The following FANCB variants were observed in gnomAD, a reference collection of about 807,000 sequenced individuals.
FANCB encodes the protein Fanconi anemia group B protein.
FANCB carries 5 observed loss-of-function variants against 38.9 expected under a neutral mutation model. The ratio of observed to expected loss-of-function variants is 0.13; its 90% CI spans 0.07 to 0.27. FANCB has a LOEUF of 0.27. FANCB is among the 10% of genes least tolerant of loss of function. The pLI, the probability that FANCB is intolerant of heterozygous loss-of-function variation, is 1.00. For synonymous variants in FANCB, 236 were observed against 215.4 expected (o/e 1.10, Z -0.84); for missense variants, 573 against 602.7 (o/e 0.95, Z 0.52).
the FANCB span, among the ~76,000 whole-genome samples, chrX:14,783,118 G>A: frequency 1.8e-5 from 2 of 111,560 alleles, no homozygotes; most frequent in South Asian, 7.5e-4. Flanking sequence ...TTCACCTCAA[G>A]GCACAGATTA....
At chrX:14,761,879 G>C in the FANCB span, among the ~76,000 whole-genome samples, 1 of 111,320 alleles carries the variant, frequency 9.0e-6, no homozygotes, top group South Asian at 3.8e-4. Context: ...TAGGCATTAA[G>C]TGGGAAAAAA....
chrX:14,872,905 C>A (rs1222298111), intron 1 of FANCB, 81 bp downstream of exon 1: 1 of 114,228 alleles, frequency 8.8e-6, no homozygotes, highest in African/African-American at 3.2e-5. Context: ...TCCCGCAATG[C>A]GGGGACAAGG....
the FANCB span, among the ~76,000 whole-genome samples, chrX:14,816,313 AAAAAT>A: frequency 8.9e-6 from 1 of 112,573 alleles, no homozygotes; most frequent in African/African-American, 3.2e-5. Flanking sequence ...GCAAAGAAGG[AAAAAT>A]AAAATAAATT....
chrX:14,746,614 C>T, the FANCB span, among the ~76,000 whole-genome samples: 1 of 111,669 alleles, frequency 9.0e-6, no homozygotes, highest in Non-Finnish European at 1.9e-5. Context: ...AGAAACAAAG[C>T]GGACCCTAGA....
rs1341923962 is a variant in FANCB at position 14,868,230 on chromosome X, C to T, written c.-71+693G>A. ...GGGTCTATATCCAAAGGAATGAAATCAATGTCAAAGAGATGTCTGCACCCC... is the reference window on the plus strand; with the variant it reads ...GGGTCTATATCCAAAGGAATGAAATTAATGTCAAAGAGATGTCTGCACCCC... On this transcript the variant is annotated intron_variant, in intron 2 of 9. Coordinates refer to ENST00000650831, the MANE Select transcript of FANCB (RefSeq NM_001018113.3). 2.7e-5 allele frequency among the ~76,000 whole-genome samples: 3 copies of T among 111,594 alleles called. No homozygotes were observed. In the East Asian group the frequency reaches 8.4e-4, roughly 31 times the overall value.
Position 14,864,739 on chromosome X carries a change from C to A in FANCB, c.772G>T (p.Ala258Ser), listed in dbSNP as rs770865662. 1 of 1,211,548 alleles carries A rather than the reference C, an allele frequency of 8.3e-7. No homozygotes were observed. ...IKNQLRISLIALTRKNQLISF... is the reference protein window; with the variant it reads ...IKNQLRISLISLTRKNQLISF... Reference sequence around the variant, plus strand: ...ATCAGCTGATTCTTTCGAGTAAGGGCAATGAGAGATATTCTTAACTGGTTT... The same window carrying A: ...ATCAGCTGATTCTTTCGAGTAAGGGAAATGAGAGATATTCTTAACTGGTTT... The change falls in exon 3 of 10, where the codon GCC becomes TCC. Residue 258 changes from alanine (A) to serine (S), a missense_variant. Coordinates refer to ENST00000650831, the MANE Select transcript of FANCB (RefSeq NM_001018113.3).
the FANCB span, among the ~76,000 whole-genome samples, chrX:14,800,168 C>T: frequency 9.0e-6 from 1 of 111,588 alleles, no homozygotes; most frequent in Non-Finnish European, 1.9e-5. Context: ...GCAGCAGCCA[C>T]GGATATTGAT....
chrX:14,780,791 C>T, the FANCB span, among the ~76,000 whole-genome samples: 1 of 106,781 alleles, frequency 9.4e-6, no homozygotes, highest in African/African-American at 3.6e-5. Flanking sequence ...TCATGTGTCA[C>T]AAAATATTCT....
chrX:14,864,134 C>CA (rs1430315318), intron 3 of FANCB, among the ~76,000 whole-genome samples: 5 of 107,622 alleles, frequency 4.6e-5, no homozygotes, highest in East Asian at 2.9e-4. Context: ...GACTCTGTCT[C>CA]AAAAAAAATA....
At chrX:14,799,870 T>C in the FANCB span, among the ~76,000 whole-genome samples, 2 of 112,024 alleles carry the variant, frequency 1.8e-5, no homozygotes, top group African/African-American at 6.5e-5. Flanking sequence ...TTTTGGGAAA[T>C]AGAATTTGTA....
At chrX:14,787,536 C>T in the FANCB span, among the ~76,000 whole-genome samples, 13 of 110,452 alleles carry the variant, frequency 1.2e-4, no homozygotes, top group Admixed American at 6.8e-4. Context: ...GAAAAGAAGA[C>T]TTTAAATGTT....
the FANCB span, among the ~76,000 whole-genome samples, chrX:14,830,179 A>G: frequency 1.8e-5 from 2 of 111,996 alleles, no homozygotes; most frequent in African/African-American, 6.5e-5. Context: ...GCCATCTTAT[A>G]TGGGTGTGGT....
At chrX:14,751,888 A>T in the FANCB span, among the ~76,000 whole-genome samples, 7 of 111,645 alleles carry the variant, frequency 6.3e-5, no homozygotes, top group African/African-American at 2.3e-4. Context: ...CACTTTTTTC[A>T]CAGTACCCTG....
the FANCB span, among the ~76,000 whole-genome samples, chrX:14,798,413 C>T: frequency 1.8e-5 from 2 of 111,596 alleles, no homozygotes; most frequent in African/African-American, 6.5e-5. Flanking sequence ...CCACCCGCCT[C>T]GGCCTCCCAA....
Position 14,865,195 on chromosome X carries a change from C to A in FANCB, c.316G>T (p.Glu106Ter). The part of the protein sequence containing the change: ...IEKNKKNNVF[E>*]YFLLILHSTN... ...CTGTGAAGGATTAGTAAAAAATATT[C>A]AAAAACATTATTCTTTTTATTTTTT... is the stretch of plus-strand genomic sequence containing the variant. Residue 106 changes from glutamate to a stop codon, truncating the protein, a stop_gained, in exon 3 of 10, where the codon GAA becomes TAA. Coordinates refer to ENST00000650831, the MANE Select transcript of FANCB (RefSeq NM_001018113.3). LOFTEE classifies it high-confidence loss of function. 8.6e-7 allele frequency: 1 copy of A among 1,164,683 alleles called. No individual in the cohort carries two copies. Among genetic ancestry groups the A allele is most frequent in the Admixed American group, 2.8e-5 (1 of 36,214 alleles).
At chrX:14,806,488 A>G in the FANCB span, among the ~76,000 whole-genome samples, 1 of 111,954 alleles carries the variant, frequency 8.9e-6, no homozygotes, top group South Asian at 3.7e-4. Flanking sequence ...GAGCTGTTGT[A>G]GGGAGAAGAC....
At chrX:14,859,496 G>A (rs114080488) in intron 3 of FANCB, among the ~76,000 whole-genome samples, 162 bp from the exon 4 acceptor site, 337 of 111,682 alleles carry the variant, frequency 3.0e-3, no homozygotes, top group African/African-American at 0.011. Context: ...AGATATTAGG[G>A]GATGAGGAAA....
the FANCB span, among the ~76,000 whole-genome samples, chrX:14,795,434 T>C: frequency 9.0e-6 from 1 of 111,272 alleles, no homozygotes; most frequent in Non-Finnish European, 1.9e-5. Context: ...TGGTCTTAAA[T>C]CATGAGTAGT....
downstream of FANCB, among the ~76,000 whole-genome samples, chrX:14,833,003 G>A (rs1041352158): frequency 1.8e-5 from 2 of 112,047 alleles, no homozygotes; most frequent in Non-Finnish European, 3.8e-5. Flanking sequence ...TTGCTTCTGC[G>A]TTCAGAGTAA....
Sources: gnomAD v4.1 joint callset for allele counts (sites outside exome capture counted in the v4.1 genomes callset) on GRCh38, gnomAD v4.1.1 for gene constraint, MANE v1.5 for transcripts, NCBI Gene and HGNC (gene_info 2026-07-23, HGNC 2026-07-21) for gene names.